Variants in OXCT1 observed in about 807,000 individuals in gnomAD.
The protein encoded by OXCT1 is 3-oxoacid CoA-transferase 1.
OXCT1 carries 27 observed loss-of-function variants against 69.6 expected under a neutral mutation model. The observed-to-expected ratio is 0.39, with a 90% CI of 0.29 to 0.54. The LOEUF is 0.54. Among genes scored for constraint, OXCT1 ranks in the 20% least tolerant of loss-of-function variants. The probability of loss-of-function intolerance (pLI) is 0.72; values close to 1 mark genes in which losing one functional copy is unlikely to be tolerated. For synonymous variants in OXCT1, 202 were observed against 217.8 expected, an observed-to-expected ratio of 0.93 and a Z score of 0.64; for missense variants, 437 against 650.2, an observed-to-expected ratio of 0.67 and a Z score of 3.57.
intron 13 of OXCT1, among the ~76,000 whole-genome samples, chr5:41,793,604 G>A (rs547070259): frequency 1.1e-4 from 16 of 152,338 alleles, no homozygotes; most frequent in African/African-American, 3.8e-4. Context: ...TTCAATCACT[G>A]ATTAATAGAA....
intron 9 of OXCT1, 116 bp downstream of exon 9, chr5:41,805,451 C>A: frequency 1.4e-6 from 1 of 712,412 alleles, no homozygotes; most frequent in Non-Finnish European, 2.5e-6. Context: ...TGATTAATTA[C>A]CTTAAAAGTT....
chr5:41,740,000 A>G (rs1164720907), intron 15 of OXCT1, among the ~76,000 whole-genome samples: 1 of 152,238 alleles, frequency 6.6e-6, no homozygotes, highest in Non-Finnish European at 1.5e-5. Flanking sequence ...TAGTTGTGGA[A>G]CAGTGTTGAT....
intron 7 of OXCT1, among the ~76,000 whole-genome samples, chr5:41,826,856 G>A (rs1258727130): frequency 6.6e-6 from 1 of 152,100 alleles, no homozygotes; most frequent in Non-Finnish European, 1.5e-5. Flanking sequence ...TCAATCCTAA[G>A]CGAGCTCTTG....
chr5:41,858,294 A>C (rs1402453482), intron 3 of OXCT1, among the ~76,000 whole-genome samples: 1 of 152,190 alleles, frequency 6.6e-6, no homozygotes, highest in Non-Finnish European at 1.5e-5. Context: ...TCAGACATTG[A>C]TGATAAAAAA....
intron 15 of OXCT1, among the ~76,000 whole-genome samples, chr5:41,748,401 T>C (rs114811592): frequency 0.023 from 3,537 of 152,176 alleles, 57 homozygotes; most frequent in South Asian, 0.04. Flanking sequence ...GGACTACCAC[T>C]TTATTTAAAA....
intron 1 of OXCT1, chr5:41,869,984 A>ACT: frequency 2.3e-5 from 10 of 444,152 alleles, no homozygotes; most frequent in South Asian, 6.5e-5. Flanking sequence ...ACGAGCGCCA[A>ACT]AGGGCTCGGG....
intron 4 of OXCT1, among the ~76,000 whole-genome samples, 178 bp downstream of exon 4, chr5:41,853,236 TACACA>T (rs1248366849): frequency 6.6e-6 from 1 of 152,170 alleles, no homozygotes; most frequent in African/African-American, 2.4e-5. Flanking sequence ...CTTTTTTCAG[TACACA>T]GTAGAAGAAA....
chr5:41,860,639 T>C (rs1749687179), intron 3 of OXCT1, among the ~76,000 whole-genome samples: 1 of 152,214 alleles, frequency 6.6e-6, no homozygotes, highest in African/African-American at 2.4e-5. Flanking sequence ...TGATTAAAAA[T>C]GTAAAATCCT....
chr5:41,748,244 G>A (rs537572663), intron 15 of OXCT1, among the ~76,000 whole-genome samples: 3 of 152,006 alleles, frequency 2.0e-5, no homozygotes, highest in African/African-American at 7.2e-5. Context: ...GTAGTATTTG[G>A]GGAGGCTGAG....
intron 7 of OXCT1, among the ~76,000 whole-genome samples, chr5:41,834,686 T>G (rs997621274): frequency 6.6e-6 from 1 of 152,090 alleles, no homozygotes; most frequent in East Asian, 1.9e-4. Flanking sequence ...GAGCAAATAT[T>G]ATTAGAGCTA....
chr5:41,853,532 G>C lies in OXCT1; in HGVS notation c.301C>G (p.Leu101Val). The change falls in exon 4 of 17, where the codon CTT becomes GTT. Residue 101 changes from leucine (L) to valine (V), a missense_variant. Coordinates refer to ENST00000196371, the MANE Select transcript of OXCT1 (RefSeq NM_000436.4). ...TTTATCTGCTTGGACCGAAGCAAAAGCCCCAAACCAAAATTGTCAACCCTA... is the reference window on the plus strand; with the variant it reads ...TTTATCTGCTTGGACCGAAGCAAAACCCCCAAACCAAAATTGTCAACCCTA... Reference protein sequence around the residue: ...NAGVDNFGLGLLLRSKQIKRM... With the variant: ...NAGVDNFGLGVLLRSKQIKRM... 4 of 1,613,842 alleles carry C rather than the reference G, an allele frequency of 2.5e-6. No homozygotes were observed. Among genetic ancestry groups the C allele is most frequent in the Non-Finnish European group, 3.4e-6 (4 of 1,179,892 alleles).
At chr5:41,805,486 A>G (rs546119491) in intron 9 of OXCT1, 81 bp downstream of exon 9, 4 of 917,082 alleles carry the variant, frequency 4.4e-6, no homozygotes, top group South Asian at 3.9e-5. Flanking sequence ...ATGACTCACT[A>G]TGCAAGAGGT....
rs145662476 is a variant in OXCT1 at position 41,752,917 on chromosome 5, T to C, written c.1339-3310A>G. Among the ~76,000 whole-genome samples, 9 of 152,186 alleles carry C rather than the reference T, an allele frequency of 5.9e-5. No individual in the cohort carries two copies. In the East Asian group the frequency reaches 1.4e-3, roughly 23 times the overall value. On this transcript the variant is annotated intron_variant, in intron 14 of 16. Coordinates refer to ENST00000196371, the MANE Select transcript of OXCT1 (RefSeq NM_000436.4). ...TTCAGCGCTTACAGGACTTGAGCAA[T>C]ACATAGGGTAATTCACCATTTTCAA...
intron 11 of OXCT1, 150 bp downstream of exon 11, chr5:41,800,872 G>A (rs1408088950): frequency 4.1e-6 from 3 of 724,520 alleles, no homozygotes; most frequent in Admixed American, 2.0e-5. Flanking sequence ...ATTCCTGAAT[G>A]AGGGGAGACC....
intron 13 of OXCT1, among the ~76,000 whole-genome samples, chr5:41,784,131 A>G (rs963241940): frequency 6.6e-6 from 1 of 152,170 alleles, no homozygotes; most frequent in Non-Finnish European, 1.5e-5. Flanking sequence ...TATTTCTCCA[A>G]TTGTGCTTCA....
chr5:41,785,086 C>G (rs1404532984), intron 13 of OXCT1, among the ~76,000 whole-genome samples: 3 of 152,096 alleles, frequency 2.0e-5, no homozygotes, highest in Non-Finnish European at 4.4e-5. Context: ...TAATAACATC[C>G]TAAATTGGTG....
At position 41,730,861 on chromosome 5, in the gene OXCT1, A is replaced by G. The variant is rs569323261; in HGVS notation, c.*868T>C. 1 of 152,332 alleles carries G rather than the reference A, an allele frequency of 6.6e-6. No homozygotes were observed. Among genetic ancestry groups the G allele is most frequent in the South Asian group, 2.1e-4 (1 of 4,826 alleles). The allele number at this position is 152,332 out of a possible 1,614,324, so 9.4% of individuals were successfully genotyped here. ...TATTTAAAATCTCCTCTGAACCAAA[A>G]CAAGAGCCTGAAAGTAAAACACCTT... On this transcript the variant is annotated 3_prime_UTR_variant, in exon 17 of 17. Transcript: ENST00000196371.
At chr5:41,864,831 T>G (rs1749891117) in intron 1 of OXCT1, among the ~76,000 whole-genome samples, 2 of 152,216 alleles carry the variant, frequency 1.3e-5, no homozygotes, top group African/African-American at 4.8e-5. Flanking sequence ...GTGAGTGTTC[T>G]ATTTCTTCCT....
rs1438895827 is a variant in OXCT1, at chr5:41,730,924, C to T, written c.*805G>A. On this transcript the variant is annotated 3_prime_UTR_variant, in exon 17 of 17. Transcript: ENST00000196371. Reference sequence around the variant, plus strand: ...TCTGCTGTCATTGCTACTAAGGATTCATGGTAAATTATCCCACAGCCCTTC... The same window carrying T: ...TCTGCTGTCATTGCTACTAAGGATTTATGGTAAATTATCCCACAGCCCTTC... 6.6e-6 allele frequency: 1 copy of T among 152,286 alleles called. No individual in the cohort carries two copies. Among genetic ancestry groups the T allele is most frequent in the African/African-American group, 2.4e-5 (1 of 41,552 alleles). 9.4% of individuals were successfully genotyped at this position (152,286 alleles called of 1,614,324 possible). A position where few individuals can be genotyped will look rare whatever the true frequency, so the allele number is the denominator to read the frequency against.
Sources: gnomAD v4.1 joint callset for allele counts (sites outside exome capture counted in the v4.1 genomes callset) on GRCh38, gnomAD v4.1.1 for gene constraint, MANE v1.5 for transcripts, NCBI Gene and HGNC (gene_info 2026-07-23, HGNC 2026-07-21) for gene names.